Variants in MIPOL1 observed in about 807,000 individuals in gnomAD.
MIPOL1 encodes the protein mirror-image polydactyly gene 1 protein.
In MIPOL1, 57 loss-of-function variants were observed where a neutral mutation model predicts 60.9. The ratio of observed to expected loss-of-function variants is 0.94; its 90% CI spans 0.76 to 1.17. MIPOL1 has a LOEUF of 1.17. Ranked by LOEUF, MIPOL1 falls within the 50% of genes most tolerant of loss-of-function variation. The pLI, the probability that MIPOL1 is intolerant of heterozygous loss-of-function variation, is 0.00. For missense variants in MIPOL1, 551 were observed against 511.6 expected (o/e 1.08, Z -0.74); for synonymous variants, 179 against 168.8 (o/e 1.06, Z -0.47).
intron 10 of MIPOL1, among the ~76,000 whole-genome samples, chr14:37,417,226 C>T (rs1173174739): frequency 6.6e-6 from 1 of 152,168 alleles, no homozygotes; most frequent in African/African-American, 2.4e-5. Context: ...TTCTCTCCTC[C>T]ATGGCTTCTG....
intron 7 of MIPOL1, among the ~76,000 whole-genome samples, chr14:37,299,522 A>G (rs1469203094): frequency 1.3e-5 from 2 of 152,098 alleles, no homozygotes; most frequent in Non-Finnish European, 2.9e-5. Context: ...TATTCTGTTC[A>G]TGAGTCTATA....
chr14:37,510,723 G>T lies in MIPOL1; in HGVS notation c.1262+10585G>T, dbSNP rs2095321546. The stretch of plus-strand genomic sequence containing the variant: ...CAACTATAACAATTTAGTAGTTTCA[G>T]AGAATAACAGATTAAAGTAAAAGCA... On this transcript the variant is annotated intron_variant, in intron 12 of 12. Transcript: ENST00000684589. Among the ~76,000 whole-genome samples the T allele has an allele frequency of 2.0e-5, 3 of 152,242 alleles. No homozygotes were observed. In the South Asian group the frequency reaches 6.2e-4, roughly 32 times the overall value.
At chr14:37,382,162 C>T (rs1304884114) in intron 10 of MIPOL1, among the ~76,000 whole-genome samples, 2 of 151,860 alleles carry the variant, frequency 1.3e-5, no homozygotes, top group Non-Finnish European at 2.9e-5. Context: ...TTAACTATTT[C>T]CAGTAACTGA....
chr14:37,241,082 G>T (rs1423571359), intron 1 of MIPOL1, among the ~76,000 whole-genome samples: 1 of 152,086 alleles, frequency 6.6e-6, no homozygotes, highest in Non-Finnish European at 1.5e-5. Context: ...GTGCCAGTTC[G>T]AAGGCCTGAG....
intron 9 of MIPOL1, among the ~76,000 whole-genome samples, chr14:37,341,454 C>T (rs1371727970): frequency 6.6e-6 from 1 of 152,160 alleles, no homozygotes; most frequent in Non-Finnish European, 1.5e-5. Context: ...TTACCATAGA[C>T]ATTGTTAGGA....
chr14:37,292,267 A>G (rs184437077), intron 7 of MIPOL1, among the ~76,000 whole-genome samples: 1 of 152,000 alleles, frequency 6.6e-6, no homozygotes. Context: ...GGAGAGGACA[A>G]GCATTCAAAT....
At chr14:37,458,246 A>G (rs2094499298) in intron 11 of MIPOL1, among the ~76,000 whole-genome samples, 1 of 152,192 alleles carries the variant, frequency 6.6e-6, no homozygotes, top group Non-Finnish European at 1.5e-5. Flanking sequence ...CAATGCCAGC[A>G]TTAGATAGAT....
chr14:37,270,526 G>A lies in MIPOL1; in HGVS notation c.493+1G>A. 1 of 1,540,412 alleles carries A rather than the reference G, an allele frequency of 6.5e-7. No individual in the cohort carries two copies. On this transcript the variant is annotated splice_donor_variant, in intron 6 of 12. Transcript: ENST00000684589. LOFTEE classifies it high-confidence loss of function. ...GCTAAAATTGCTGAAAAGACAGCAG[G>A]TATAGTAGAGGAGTATTAACACATG... is the stretch of plus-strand genomic sequence containing the variant.
At chr14:37,418,965 T>TA (rs1248864952) in intron 10 of MIPOL1, among the ~76,000 whole-genome samples, 1 of 152,098 alleles carries the variant, frequency 6.6e-6, no homozygotes, top group South Asian at 2.1e-4. Context: ...AATGCACACT[T>TA]ACCACAGGAC....
chr14:37,282,298 A>G (rs543801367), intron 6 of MIPOL1, among the ~76,000 whole-genome samples: 21 of 150,670 alleles, frequency 1.4e-4, no homozygotes, highest in Middle Eastern at 3.4e-3. Context: ...CTCTCGTGCA[A>G]TGGCGTGATA....
At chr14:37,246,503 G>C (rs1179853689) in intron 1 of MIPOL1, among the ~76,000 whole-genome samples, 1 of 151,806 alleles carries the variant, frequency 6.6e-6, no homozygotes, top group Admixed American at 6.6e-5. Context: ...TTTTTGTTTG[G>C]CTCTGAGTTA....
At chr14:37,454,072 G>T (rs2094450777) in intron 11 of MIPOL1, among the ~76,000 whole-genome samples, 1 of 152,170 alleles carries the variant, frequency 6.6e-6, no homozygotes, top group African/African-American at 2.4e-5. Context: ...CTGCAAAGTG[G>T]ATCTGGTTAG....
intron 11 of MIPOL1, among the ~76,000 whole-genome samples, chr14:37,464,719 T>G (rs1199632023): frequency 1.3e-5 from 2 of 152,226 alleles, no homozygotes; most frequent in Admixed American, 6.5e-5. Flanking sequence ...ACTACCCATG[T>G]ATCCTCTGAA....
intron 9 of MIPOL1, among the ~76,000 whole-genome samples, chr14:37,331,919 G>C (rs959480509): frequency 6.6e-6 from 1 of 152,100 alleles, no homozygotes; most frequent in Non-Finnish European, 1.5e-5. Flanking sequence ...GAGAGGCCAA[G>C]GCAGGTGGAT....
chr14:37,323,847 A>G (rs1048300027), intron 9 of MIPOL1, among the ~76,000 whole-genome samples: 1 of 151,982 alleles, frequency 6.6e-6, no homozygotes, highest in Non-Finnish European at 1.5e-5. Flanking sequence ...AATTTTATGT[A>G]AGTGGTATTG....
chr14:37,236,317 G>T (rs1161128159), intron 1 of MIPOL1, among the ~76,000 whole-genome samples: 1 of 152,210 alleles, frequency 6.6e-6, no homozygotes, highest in African/African-American at 2.4e-5. Context: ...ATGATGTTGA[G>T]CATCTTTTCA....
At chr14:37,209,690 T>G (rs1233293294) in intron 1 of MIPOL1, among the ~76,000 whole-genome samples, 2 of 151,938 alleles carry the variant, frequency 1.3e-5, no homozygotes, top group Non-Finnish European at 2.9e-5. Context: ...TTAGATAATA[T>G]ATACACATGG....
At chr14:37,381,476 T>C (rs950927527) in intron 10 of MIPOL1, among the ~76,000 whole-genome samples, 4 of 152,002 alleles carry the variant, frequency 2.6e-5, no homozygotes, top group Admixed American at 6.6e-5. Flanking sequence ...GAGGTCAGGT[T>C]AGGTAATAAA....
At chr14:37,498,044 A>G (rs1354234899) in intron 11 of MIPOL1, among the ~76,000 whole-genome samples, 1 of 152,230 alleles carries the variant, frequency 6.6e-6, no homozygotes, top group Non-Finnish European at 1.5e-5. Flanking sequence ...ATAACAGAAT[A>G]TTTTATAGCA....
Sources: gnomAD v4.1 joint callset for allele counts (sites outside exome capture counted in the v4.1 genomes callset) on GRCh38, gnomAD v4.1.1 for gene constraint, MANE v1.5 for transcripts, NCBI Gene and HGNC (gene_info 2026-07-23, HGNC 2026-07-21) for gene names.